Variants in CCNB2 observed in about 807,000 individuals in gnomAD.
CCNB2 encodes the protein G2/mitotic-specific cyclin-B2.
Under a neutral mutation model 51.1 loss-of-function variants are expected in CCNB2, and 39 were observed. The observed-to-expected ratio is 0.76, with a 90% CI of 0.59 to 1.00. CCNB2 has a LOEUF of 1.00. CCNB2 is among the 50% of genes least tolerant of loss of function. The pLI is 0.00. For synonymous variants in CCNB2, 174 were observed against 165.5 expected, an observed-to-expected ratio of 1.05 and a Z score of -0.40; for missense variants, 472 against 470.3, an observed-to-expected ratio of 1.00 and a Z score of -0.03.
At chr15:59,122,241 C>CTTTTTTTTTTTTTTTTTTTTTTTTTT (rs1162917277) in intron 7 of CCNB2, among the ~76,000 whole-genome samples, 4 of 72,990 alleles carry the variant, frequency 5.5e-5, no homozygotes, top group African/African-American at 1.7e-4. Flanking sequence ...GTTGACATAT[C>CTTTTTTTTTTTTTTTTTTTTTTTTTT]TTTTTTTTTT....
chr15:59,124,268 A>C (rs2079315854), intron 8 of CCNB2: 1 of 166,940 alleles, frequency 6.0e-6, no homozygotes, highest in Admixed American at 5.6e-5. Flanking sequence ...AAGGTATTTG[A>C]ACCTCAGAAG....
intron 3 of CCNB2, among the ~76,000 whole-genome samples, chr15:59,110,271 C>T (rs2079252681): frequency 6.6e-6 from 1 of 152,154 alleles, no homozygotes; most frequent in African/African-American, 2.4e-5. Flanking sequence ...GCATTATGGA[C>T]CCGTAGCTCA....
chr15:59,106,362 T>G (rs1044745856), intron 1 of CCNB2, among the ~76,000 whole-genome samples: 6 of 152,190 alleles, frequency 3.9e-5, no homozygotes, highest in African/African-American at 1.2e-4. Context: ...TATAACGTTA[T>G]TTAATAGTCA....
chr15:59,117,200 C>A, intron 6 of CCNB2, 28 bp from the exon 7 acceptor site: 1 of 1,601,926 alleles, frequency 6.2e-7, no homozygotes, highest in Non-Finnish European at 8.5e-7. Flanking sequence ...ACTTGTGATT[C>A]TTACTATCCC....
chr15:59,109,862 T>A (rs1349916447), intron 3 of CCNB2, among the ~76,000 whole-genome samples: 1 of 152,048 alleles, frequency 6.6e-6, no homozygotes, highest in East Asian at 1.9e-4. Flanking sequence ...GGTGGGCGCC[T>A]GTAGTCCCAG....
intron 3 of CCNB2, among the ~76,000 whole-genome samples, chr15:59,109,486 T>A (rs12907957): frequency 6.6e-6 from 1 of 152,036 alleles, no homozygotes; most frequent in Non-Finnish European, 1.5e-5. Context: ...GGAAATACTA[T>A]GCAGCCATAA....
intron 7 of CCNB2, among the ~76,000 whole-genome samples, chr15:59,119,594 T>C (rs2079293832): frequency 6.6e-6 from 1 of 152,176 alleles, no homozygotes; most frequent in Non-Finnish European, 1.5e-5. Context: ...TCATTGTTAA[T>C]AGTAATCTGT....
chr15:59,120,140 A>G (rs1048770559), intron 7 of CCNB2, among the ~76,000 whole-genome samples: 9 of 152,362 alleles, frequency 5.9e-5, no homozygotes, highest in Admixed American at 5.9e-4. Flanking sequence ...TCTCAGAAAC[A>G]GTGACAACTC....
intron 5 of CCNB2, among the ~76,000 whole-genome samples, chr15:59,115,262 A>G (rs190256054): frequency 1.3e-4 from 20 of 152,196 alleles, no homozygotes; most frequent in African/African-American, 4.6e-4. Flanking sequence ...AAGTTTCCTC[A>G]TCTGAAAAAC....
At chr15:59,108,345 A>C (rs1163744339) in intron 3 of CCNB2, among the ~76,000 whole-genome samples, 1 of 152,208 alleles carries the variant, frequency 6.6e-6, no homozygotes, top group Non-Finnish European at 1.5e-5. Context: ...ATTAGGCTTG[A>C]GGAAACAAAG....
chr15:59,105,414 G>A (rs1596328946), intron 1 of CCNB2, 122 bp downstream of exon 1: 3 of 1,117,614 alleles, frequency 2.7e-6, no homozygotes, highest in African/African-American at 3.1e-5. Context: ...CTTCTCCGGA[G>A]CTCACTGCTT....
chr15:59,105,834 TAA>T (rs1265320310), intron 1 of CCNB2, among the ~76,000 whole-genome samples: 1 of 152,234 alleles, frequency 6.6e-6, no homozygotes, highest in Non-Finnish European at 1.5e-5. Context: ...TTCGGCACGC[TAA>T]GTCTTCCATG....
intron 8 of CCNB2, chr15:59,123,863 G>A: frequency 2.3e-6 from 1 of 429,900 alleles, no homozygotes; most frequent in Non-Finnish European, 4.3e-6. Context: ...CCATGTCCAG[G>A]CCCAGATCCC....
intron 7 of CCNB2, 29 bp from the exon 8 acceptor site, chr15:59,123,488 T>C (rs1036193911): frequency 5.9e-6 from 8 of 1,349,380 alleles, no homozygotes; most frequent in East Asian, 2.3e-5. Flanking sequence ...CCCTCAGTCA[T>C]GTCTGTCTGT....
intron 7 of CCNB2, 52 bp from the exon 8 acceptor site, chr15:59,123,465 G>A (rs2140292001): frequency 9.9e-7 from 1 of 1,012,162 alleles, no homozygotes; most frequent in East Asian, 2.4e-5. Flanking sequence ...AAGAAGCAGA[G>A]GTTTTCTCTT....
intron 3 of CCNB2, among the ~76,000 whole-genome samples, chr15:59,113,579 G>C (rs899027957): frequency 6.6e-6 from 1 of 152,122 alleles, no homozygotes; most frequent in Non-Finnish European, 1.5e-5. Context: ...ATAAACTATA[G>C]AATTTAGAAG....
chr15:59,107,259 C>T, intron 1 of CCNB2, 63 bp from the exon 2 acceptor site: 1 of 1,454,698 alleles, frequency 6.9e-7, no homozygotes, highest in Non-Finnish European at 9.3e-7. Flanking sequence ...ATTTGAGTAT[C>T]TAACATTAGC....
At chr15:59,121,634 A>G (rs2030266451) in intron 7 of CCNB2, 3 of 152,196 alleles carry the variant, frequency 2.0e-5, no homozygotes, top group South Asian at 4.1e-4. Context: ...CGCCTCCACA[A>G]AAAAACAGAG....
At chr15:59,123,063 T>G (rs1294487707) in intron 7 of CCNB2, among the ~76,000 whole-genome samples, 5 of 152,174 alleles carry the variant, frequency 3.3e-5, no homozygotes, top group African/African-American at 1.2e-4. Context: ...ATTTCTTATT[T>G]CCGAACATCT....
Sources: allele counts gnomAD v4.1 joint callset (sites outside exome capture counted in the v4.1 genomes callset), GRCh38; gene constraint gnomAD v4.1.1; transcripts MANE v1.5; gene names NCBI Gene and HGNC (gene_info 2026-07-23, HGNC 2026-07-21).